Variants in TRIM33 observed in about 807,000 individuals in gnomAD.
The protein encoded by TRIM33 is tripartite motif containing 33.
In TRIM33, 20 loss-of-function variants were observed where a neutral mutation model predicts 125.4. The observed-to-expected ratio is 0.16, with a 90% CI of 0.11 to 0.23. The LOEUF (loss-of-function observed/expected upper bound fraction) is 0.23, where lower values mean the gene tolerates loss of function less well. Ranked by LOEUF, TRIM33 falls within the 10% of genes least tolerant of loss-of-function variation. The probability of loss-of-function intolerance (pLI) is 1.00; values close to 1 mark genes in which losing one functional copy is unlikely to be tolerated. For synonymous variants in TRIM33, 564 were observed against 513.9 expected, an observed-to-expected ratio of 1.10 and a Z score of -1.32; for missense variants, 920 against 1,411.4, an observed-to-expected ratio of 0.65 and a Z score of 5.58.
intron 8 of TRIM33, among the ~76,000 whole-genome samples, chr1:114,426,489 T>A (rs1311097966): frequency 6.6e-6 from 1 of 151,838 alleles, no homozygotes; most frequent in African/African-American, 2.4e-5. Flanking sequence ...AATTTTTTTT[T>A]ATTATATGCA....
In TRIM33 at chr1:114,489,937, G is replaced by A. The variant is rs376400609; in HGVS notation, c.526+20614C>T. Among the ~76,000 whole-genome samples, 17 of 151,580 alleles carry A rather than the reference G, an allele frequency of 1.1e-4. 1 individual carries two copies. In the South Asian group the frequency reaches 2.5e-3, roughly 22 times the overall value. ...AGACAACCCACAAATAGAAGATAGC[G>A]CTAAATCAGATATAAGGGTGCAGCA... On this transcript the variant is annotated intron_variant, in intron 1 of 19. Coordinates refer to ENST00000358465, the MANE Select transcript of TRIM33 (RefSeq NM_015906.4).
Position 114,430,820 on chromosome 1 carries a change from T to C in TRIM33, c.1133A>G (p.Lys378Arg). Residue 378 changes from lysine (K) to arginine (R), a missense_variant, in exon 6 of 20, where the codon AAA becomes AGA. By Grantham distance (26) the Lys-to-Arg change is conservative. Coordinates refer to ENST00000358465, the MANE Select transcript of TRIM33 (RefSeq NM_015906.4). Reference protein sequence around the residue: ...TLINEINKKGKSLLQQLENVT... With the variant: ...TLINEINKKGRSLLQQLENVT... ...TACCTCTAGCTGTTGTAAGAGAGAT[T>C]TTCCTTTCTTATTAATTTCATTGAT... 6.3e-7 allele frequency: 1 copy of C among 1,597,414 alleles called. No individual in the cohort carries two copies. The highest frequency in any genetic ancestry group is 8.6e-7 in the Non-Finnish European group (1 of 1,165,148).
chr1:114,486,913 C>T (rs1006300226), intron 1 of TRIM33, among the ~76,000 whole-genome samples: 7 of 151,682 alleles, frequency 4.6e-5, no homozygotes, highest in Non-Finnish European at 8.8e-5. Context: ...ATAGTGAAAC[C>T]CTATCTCTAC....
intron 4 of TRIM33, among the ~76,000 whole-genome samples, chr1:114,451,687 T>TA (rs11411648): frequency 0.043 from 6,605 of 152,178 alleles, 155 homozygotes; most frequent in South Asian, 0.063. Flanking sequence ...TAACAGCCAA[T>TA]AATAGCTAAA....
At chr1:114,401,294 G>GATT (rs1651871087) in intron 17 of TRIM33, 95 bp downstream of exon 17, 1 of 882,410 alleles carries the variant, frequency 1.1e-6, no homozygotes, top group Non-Finnish European at 1.7e-6. Flanking sequence ...AAAGTGCTGG[G>GATT]ATTACAGGCG....
At chr1:114,462,071 C>T (rs1360815438) in intron 4 of TRIM33, among the ~76,000 whole-genome samples, 1 of 152,148 alleles carries the variant, frequency 6.6e-6, no homozygotes, top group African/African-American at 2.4e-5. Flanking sequence ...AATCCTGGTA[C>T]TACCAATTAC....
At chr1:114,477,977 C>A (rs1306334296) in intron 1 of TRIM33, among the ~76,000 whole-genome samples, 3 of 152,126 alleles carry the variant, frequency 2.0e-5, no homozygotes, top group Non-Finnish European at 4.4e-5. Context: ...AACAGCTGGA[C>A]CACTTTCAAT....
In TRIM33 at chr1:114,510,746, C is replaced by T; in HGVS notation, c.331G>A (p.Ala111Thr). 1 of 1,524,344 alleles carries T rather than the reference C, an allele frequency of 6.6e-7. No individual in the cohort carries two copies. Among genetic ancestry groups the T allele is most frequent in the Non-Finnish European group, 8.8e-7 (1 of 1,140,404 alleles). 94.4% of individuals were successfully genotyped at this position (1,524,344 alleles called of 1,614,324 possible). A position where few individuals can be genotyped will look rare whatever the true frequency, so the allele number is the denominator to read the frequency against. Reference protein sequence around the residue: ...PASAPAPGPSAGPPPGPPASL... With the variant: ...PASAPAPGPSTGPPPGPPASL... ...GCTGGCGGTCCAGGAGGCGGCCCTG[C>T]CGAGGGACCCGGAGCGGGAGCCGAG... Residue 111 changes from alanine (A) to threonine (T), a missense_variant, in exon 1 of 20, where the codon GCA becomes ACA. Physicochemically the swap from Ala to Thr is moderately conservative, Grantham distance 58 (BLOSUM62 0). Transcript: ENST00000358465.
At chr1:114,482,839 A>G (rs1273592149) in intron 1 of TRIM33, among the ~76,000 whole-genome samples, 1 of 152,152 alleles carries the variant, frequency 6.6e-6, no homozygotes, top group Admixed American at 6.6e-5. Context: ...ACTTTCTGCC[A>G]TGATTGTTTC....
At chr1:114,422,295 G>A (rs1180901097) in intron 10 of TRIM33, among the ~76,000 whole-genome samples, 1 of 152,150 alleles carries the variant, frequency 6.6e-6, no homozygotes, top group African/African-American at 2.4e-5. Context: ...GATTTCTGTA[G>A]AGGTATACCC....
rs1205230711 is a variant in TRIM33 at position 114,510,760 on chromosome 1, G to C, written c.317C>G (p.Ala106Gly). ...TPAPAPASAP[A>G]PGPSAGPPPG... is the part of the protein sequence containing the mutation. ...AGGCGGCCCTGCCGAGGGACCCGGAGCGGGAGCCGAGGCTGGAGCTGGAGC... is the reference window on the plus strand; with the variant it reads ...AGGCGGCCCTGCCGAGGGACCCGGACCGGGAGCCGAGGCTGGAGCTGGAGC... The change falls in exon 1 of 20, where the codon GCT (alanine) becomes GGT (glycine). Residue 106 changes from alanine (A) to glycine (G), a missense_variant. Ala to Gly is a moderately conservative substitution (Grantham distance 60). This residue lies in a region of TRIM33 where 233 missense variants were observed against 189.6 expected (regional missense o/e 1.23). Transcript: ENST00000358465. The C allele has an allele frequency of 2.6e-6, 4 of 1,523,868 alleles. No individual in the cohort carries two copies. Among genetic ancestry groups the C allele is most frequent in the Non-Finnish European group, 3.5e-6 (4 of 1,141,012 alleles). The allele number at this position is 1,523,868 out of a possible 1,614,324, so 94.4% of individuals were successfully genotyped here. A position where few individuals can be genotyped will look rare whatever the true frequency, so the allele number is the denominator to read the frequency against.
intron 1 of TRIM33, among the ~76,000 whole-genome samples, chr1:114,473,659 T>A (rs116803502): frequency 1.0e-3 from 158 of 152,170 alleles, no homozygotes; most frequent in African/African-American, 3.6e-3. Flanking sequence ...ATGAGGAAGT[T>A]TAGAAGTAGA....
Position 114,511,180 on chromosome 1 carries a change from C to T in TRIM33, c.-104G>A. ...CCGCAGCCGCAGCAAGAGCGGCAGC[C>T]GAGAGCTAGCGAGAGAGCGAACCAA... is the stretch of plus-strand genomic sequence containing the variant. On this transcript the variant is annotated 5_prime_UTR_variant, in exon 1 of 20. Coordinates refer to ENST00000358465, the MANE Select transcript of TRIM33 (RefSeq NM_015906.4). 2.0e-6 allele frequency: 2 copies of T among 989,904 alleles called. No individual in the cohort carries two copies. Among genetic ancestry groups the T allele is most frequent in the Non-Finnish European group, 2.4e-6 (2 of 820,834 alleles). The allele number at this position is 989,904 out of a possible 1,614,324, so 61.3% of individuals were successfully genotyped here.
chr1:114,446,635 T>G (rs1648997827), intron 4 of TRIM33, among the ~76,000 whole-genome samples: 2 of 151,884 alleles, frequency 1.3e-5, no homozygotes, highest in South Asian at 4.1e-4. Flanking sequence ...CTTAAAATAA[T>G]GCAGCAAAGA....
At chr1:114,503,722 A>G (rs916484584) in intron 1 of TRIM33, among the ~76,000 whole-genome samples, 1 of 152,188 alleles carries the variant, frequency 6.6e-6, no homozygotes, top group African/African-American at 2.4e-5. Context: ...CAAAATTCTA[A>G]TTTTCATTTA....
At chr1:114,507,041 T>G (rs551264413) in intron 1 of TRIM33, among the ~76,000 whole-genome samples, 2 of 152,368 alleles carry the variant, frequency 1.3e-5, no homozygotes, top group East Asian at 1.9e-4. Context: ...AATATCCTAG[T>G]GCAAAGTGAG....
At chr1:114,402,339 C>T (rs934470175) in intron 16 of TRIM33, among the ~76,000 whole-genome samples, 8 of 152,042 alleles carry the variant, frequency 5.3e-5, no homozygotes, top group Admixed American at 5.2e-4. Context: ...TACAATAGTC[C>T]AGATGAGAAA....
At chr1:114,400,555 A>G (rs1212564170) in intron 17 of TRIM33, among the ~76,000 whole-genome samples, 1 of 152,236 alleles carries the variant, frequency 6.6e-6, no homozygotes, top group Non-Finnish European at 1.5e-5. Context: ...GTCATTTTCT[A>G]CTTTAAAATC....
chr1:114,489,335 AG>A (rs1173238536), intron 1 of TRIM33, among the ~76,000 whole-genome samples: 4 of 152,232 alleles, frequency 2.6e-5, no homozygotes, highest in African/African-American at 9.6e-5. Context: ...AAAACTGTAA[AG>A]CTCTTAAAAG....
Sources: allele counts gnomAD v4.1 joint callset (sites outside exome capture counted in the v4.1 genomes callset), GRCh38; gene constraint gnomAD v4.1.1; regional missense constraint gnomAD v4.1.1; transcripts MANE v1.5; gene names NCBI Gene and HGNC (gene_info 2026-07-23, HGNC 2026-07-21).